The following GET4 variants were observed in gnomAD, a reference collection of about 807,000 sequenced individuals.
GET4 encodes guided entry of tail-anchored proteins factor 4.
GET4 carries 20 observed loss-of-function variants against 40.0 expected under a neutral mutation model. That is an observed-to-expected ratio of 0.50 (90% CI 0.35 to 0.73). The LOEUF is 0.73. GET4 is among the 30% of genes least tolerant of loss of function. GET4 has a pLI of 0.01. For synonymous variants in GET4, 280 were observed against 194.6 expected, an observed-to-expected ratio of 1.44 and a Z score of -3.65; for missense variants, 557 against 454.0, an observed-to-expected ratio of 1.23 and a Z score of -2.06.
At chr7:878,328 G>T (rs1844010881) in intron 1 of GET4, 1 of 471,164 alleles carries the variant, frequency 2.1e-6, no homozygotes, top group Non-Finnish European at 4.4e-6. Context: ...CAGTTGTTCT[G>T]TGTGTGGCAT....
chr7:887,407 C>T lies in GET4; in HGVS notation c.354C>T (p.Asn118=). The change falls in exon 4 of 9, where the codon AAC becomes AAT. Residue 118 remains asparagine, a synonymous_variant. Transcript: ENST00000265857. ...LAKVFSLMDP[N]SPERVTFVSR... is the part of the protein sequence containing the mutation. ...AAGTGTTCAGCCTGATGGACCCCAA[C>T]TCTCCTGAGCGCGTGACCTTTGTGT... The T allele has an allele frequency of 6.2e-7, 1 of 1,600,268 alleles. No individual in the cohort carries two copies. The highest frequency in any genetic ancestry group is 8.5e-7 in the Non-Finnish European group (1 of 1,171,574).
chr7:886,084 G>A lies in GET4; in HGVS notation c.184G>A (p.Ala62Thr). The A allele has an allele frequency of 2.5e-6, 4 of 1,610,166 alleles. No homozygotes were observed. Among genetic ancestry groups the A allele is most frequent in the Non-Finnish European group, 3.4e-6 (4 of 1,177,792 alleles). ...CATGTCCCAGAGCAAGCACACGGAG[G>A]CCCGGGAGCTCATGTACTCGGGAGC... ...RYMSQSKHTE[A>T]RELMYSGALL... The change falls in exon 2 of 9, where the codon GCC becomes ACC. Residue 62 changes from alanine to threonine, a missense_variant. Ala to Thr is a moderately conservative substitution (Grantham distance 58). Transcript: ENST00000265857.
intron 5 of GET4, 56 bp from the exon 6 acceptor site, chr7:892,222 G>A (rs1323596750): frequency 3.2e-6 from 5 of 1,566,236 alleles, no homozygotes; most frequent in African/African-American, 2.7e-5. Flanking sequence ...CGGCGCCTGT[G>A]CGGGCAGAAG....
intron 3 of GET4, 46 bp from the exon 4 acceptor site, chr7:887,324 C>A: frequency 6.4e-7 from 1 of 1,550,834 alleles, no homozygotes. Context: ...GACAGAGAGC[C>A]GGAGTGGCCG....
intron 5 of GET4, among the ~76,000 whole-genome samples, chr7:891,603 C>A (rs537165791): frequency 6.6e-6 from 1 of 152,226 alleles, no homozygotes; most frequent in African/African-American, 2.4e-5. Flanking sequence ...GGCTGGCCTT[C>A]GCTTCCTTTC....
rs567409387 is a variant in GET4 at position 895,768 on chromosome 7, G to T, written c.*346G>T. 1 of 176,046 alleles carries T rather than the reference G, an allele frequency of 5.7e-6. No homozygotes were observed. The highest frequency in any genetic ancestry group is 1.2e-5 in the Non-Finnish European group (1 of 83,586). 10.9% of individuals were successfully genotyped at this position (176,046 alleles called of 1,614,324 possible). On this transcript the variant is annotated 3_prime_UTR_variant, in exon 9 of 9. Coordinates refer to ENST00000265857, the MANE Select transcript of GET4 (RefSeq NM_015949.3). ...AGCACAGGAGGCCCGTCCTCGGGGG[G>T]CTGCGCACATCACGCTCCTTGCCGG...
At chr7:877,591 C>CCT (rs1843988571) in intron 1 of GET4, among the ~76,000 whole-genome samples, 2 of 115,586 alleles carry the variant, frequency 1.7e-5, no homozygotes, top group East Asian at 2.5e-4. Flanking sequence ...CTCTCCTAGC[C>CCT]TCCACCTCCC....
At chr7:886,798 C>G (rs1844197421) in intron 3 of GET4, 148 bp downstream of exon 3, 2 of 641,160 alleles carry the variant, frequency 3.1e-6, no homozygotes, top group South Asian at 1.8e-5. Context: ...CCCACCCGGT[C>G]TCAGTGAGCC....
chr7:895,723 T>C lies in GET4; in HGVS notation c.*301T>C, dbSNP rs1844468005. The stretch of plus-strand genomic sequence containing the variant: ...TCTCCCACTCCTTTGTTCTGGGTCC[T>C]TTCGGGAGGGCTGATGGGCAGCACA... On this transcript the variant is annotated 3_prime_UTR_variant, in exon 9 of 9. Coordinates refer to ENST00000265857, the MANE Select transcript of GET4 (RefSeq NM_015949.3). 4.6e-6 allele frequency: 1 copy of C among 215,698 alleles called. No homozygotes were observed. The allele number at this position is 215,698 out of a possible 1,614,324, so 13.4% of individuals were successfully genotyped here.
intron 4 of GET4, among the ~76,000 whole-genome samples, chr7:889,334 A>G (rs960350935): frequency 7.2e-5 from 11 of 152,238 alleles, no homozygotes; most frequent in African/African-American, 2.7e-4. Flanking sequence ...AGTCCTGAGC[A>G]CAGGCTCCAT....
intron 1 of GET4, among the ~76,000 whole-genome samples, chr7:878,931 G>A (rs1844027391): frequency 6.6e-6 from 1 of 151,820 alleles, no homozygotes; most frequent in Non-Finnish European, 1.5e-5. Context: ...ATGGAGTGTG[G>A]TGTGTCCTGA....
At chr7:894,618 G>C (rs1844429042) in intron 8 of GET4, among the ~76,000 whole-genome samples, 1 of 152,136 alleles carries the variant, frequency 6.6e-6, no homozygotes, top group African/African-American at 2.4e-5. Flanking sequence ...ACACCCGTCA[G>C]GAGCGCCCTG....
intron 1 of GET4, chr7:880,440 A>G (rs1247307807): frequency 6.6e-6 from 1 of 152,222 alleles, no homozygotes; most frequent in East Asian, 1.9e-4. Flanking sequence ...TACGGTGACG[A>G]GGGATTTGTC....
chr7:894,008 C>G (rs554668725), intron 8 of GET4, 37 bp downstream of exon 8: 1 of 1,452,488 alleles, frequency 6.9e-7, no homozygotes, highest in Admixed American at 1.9e-5. Flanking sequence ...CACTCCAGCC[C>G]TGGGTCGGTG....
At position 893,786 on chromosome 7, in the gene GET4, T is replaced by TC. The variant is rs1844400605; in HGVS notation, c.796dup (p.Leu266ProfsTer146). 6.2e-7 allele frequency: 1 copy of TC among 1,611,488 alleles called. No homozygotes were observed. The stretch of plus-strand genomic sequence containing the variant: ...TGTGCTGTGTGAGCAGTACCAGCCA[T>TC]CCCTCCGGCGGGACCCCATGTACAA... On this transcript the variant is annotated frameshift_variant, in exon 7 of 9. Transcript: ENST00000265857. LOFTEE classifies it high-confidence loss of function.
At chr7:890,515 G>A (rs1459109239) in intron 4 of GET4, among the ~76,000 whole-genome samples, 1 of 152,022 alleles carries the variant, frequency 6.6e-6, no homozygotes, top group Non-Finnish European at 1.5e-5. Flanking sequence ...TCAGTGTGGT[G>A]AGAACATCAG....
At chr7:891,135 C>T (rs1844312878) in intron 5 of GET4, 69 bp downstream of exon 5, 12 of 1,246,934 alleles carry the variant, frequency 9.6e-6, no homozygotes, top group South Asian at 8.8e-5. Flanking sequence ...TAGAACAGGT[C>T]CCCTTGTCCC....
intron 1 of GET4, chr7:884,374 G>T: frequency 1.5e-6 from 2 of 1,300,824 alleles, no homozygotes; most frequent in Admixed American, 4.6e-5. Context: ...GTCCTGTCGA[G>T]GCTCCTGCTG....
chr7:883,978 G>A (rs1844137195), intron 1 of GET4: 1 of 1,071,438 alleles, frequency 9.3e-7, no homozygotes, highest in Non-Finnish European at 1.1e-6. Flanking sequence ...GAAGAAGGGA[G>A]CCGGCTGCAA....
Sources: allele counts gnomAD v4.1 joint callset (sites outside exome capture counted in the v4.1 genomes callset), GRCh38; gene constraint gnomAD v4.1.1; transcripts MANE v1.5; gene names NCBI Gene and HGNC (gene_info 2026-07-23, HGNC 2026-07-21).